GATAD2A: variants seen among roughly 807,000 people sequenced by gnomAD.
The protein encoded by GATAD2A is GATA zinc finger domain containing 2A.
GATAD2A carries 12 observed loss-of-function variants against 68.5 expected under a neutral mutation model. The observed-to-expected ratio is 0.18, with a 90% CI of 0.11 to 0.28. GATAD2A has a LOEUF of 0.28. Among genes scored for constraint, GATAD2A ranks in the 10% least tolerant of loss-of-function variants. The pLI is 1.00. For synonymous variants in GATAD2A, 410 were observed against 375.3 expected (o/e 1.09, Z -1.07); for missense variants, 755 against 868.5 (o/e 0.87, Z 1.64).
chr19:19,452,196 T>TC (rs2056460402), intron 1 of GATAD2A, among the ~76,000 whole-genome samples: 1 of 152,200 alleles, frequency 6.6e-6, no homozygotes, highest in Non-Finnish European at 1.5e-5. Flanking sequence ...GTCTTCTGCC[T>TC]TTCCTACAGG....
chr19:19,439,889 T>C (rs764193778), intron 1 of GATAD2A, among the ~76,000 whole-genome samples: 4 of 151,964 alleles, frequency 2.6e-5, no homozygotes, highest in Non-Finnish European at 4.4e-5. Flanking sequence ...CAAAAAGACA[T>C]GTGTTTACTC....
intron 7 of GATAD2A, among the ~76,000 whole-genome samples, chr19:19,497,186 C>G (rs564737272): frequency 6.6e-6 from 1 of 152,348 alleles, no homozygotes; most frequent in South Asian, 2.1e-4. Flanking sequence ...ACTGCAACCT[C>G]CATCTCCCAG....
intron 1 of GATAD2A, among the ~76,000 whole-genome samples, chr19:19,457,924 C>CT (rs879705054): frequency 1.1e-4 from 17 of 152,206 alleles, no homozygotes; most frequent in African/African-American, 3.6e-4. Context: ...CATGCAGGCT[C>CT]TCAGTGAGAG....
intron 1 of GATAD2A, among the ~76,000 whole-genome samples, chr19:19,393,442 T>C (rs931728723): frequency 9.9e-5 from 15 of 152,244 alleles, no homozygotes; most frequent in African/African-American, 3.6e-4. Context: ...TTCTGGCCCA[T>C]GTAACTTCCT....
intron 11 of GATAD2A, among the ~76,000 whole-genome samples, chr19:19,504,899 C>T (rs2060785238): frequency 6.6e-6 from 1 of 152,162 alleles, no homozygotes; most frequent in South Asian, 2.1e-4. Flanking sequence ...CACCCCCCAG[C>T]CTCTCAAAGT....
intron 1 of GATAD2A, among the ~76,000 whole-genome samples, chr19:19,437,218 C>T (rs1325011723): frequency 6.6e-6 from 1 of 152,208 alleles, no homozygotes; most frequent in African/African-American, 2.4e-5. Flanking sequence ...CAGCCTCAAA[C>T]TCCTGGGCTC....
chr19:19,442,771 GAA>G (rs11366479), intron 1 of GATAD2A, among the ~76,000 whole-genome samples: 19 of 104,396 alleles, frequency 1.8e-4, no homozygotes, highest in East Asian at 1.5e-3. Flanking sequence ...CCCCCAAGCT[GAA>G]AAAAAAAAAA....
At chr19:19,415,160 TTA>T (rs1555804145) in intron 1 of GATAD2A, among the ~76,000 whole-genome samples, 3 of 148,332 alleles carry the variant, frequency 2.0e-5, no homozygotes, top group Non-Finnish European at 4.5e-5. Context: ...TTTTTTTTTT[TTA>T]TGTTTTTTAG....
intron 1 of GATAD2A, among the ~76,000 whole-genome samples, chr19:19,392,626 G>A (rs575938274): frequency 1.3e-5 from 2 of 151,390 alleles, no homozygotes; most frequent in East Asian, 1.9e-4. Context: ...CCCTGACCTC[G>A]TGATCCACCT....
At chr19:19,410,970 C>T (rs1432655439) in intron 1 of GATAD2A, among the ~76,000 whole-genome samples, 5 of 152,220 alleles carry the variant, frequency 3.3e-5, no homozygotes, top group Admixed American at 6.5e-5. Flanking sequence ...TCAGTGAGTA[C>T]TGTTATGACT....
At chr19:19,475,317 C>T (rs1395255490) in intron 2 of GATAD2A, among the ~76,000 whole-genome samples, 1 of 152,216 alleles carries the variant, frequency 6.6e-6, no homozygotes, top group Non-Finnish European at 1.5e-5. Flanking sequence ...CTCCTACAGC[C>T]CTCTTGGCAG....
intron 7 of GATAD2A, among the ~76,000 whole-genome samples, chr19:19,497,371 C>T (rs990499014): frequency 6.6e-6 from 1 of 152,266 alleles, no homozygotes; most frequent in African/African-American, 2.4e-5. Flanking sequence ...GCTGGGATTA[C>T]AGGCGTGAGC....
At chr19:19,400,571 A>G (rs1308894151) in intron 1 of GATAD2A, among the ~76,000 whole-genome samples, 1 of 152,212 alleles carries the variant, frequency 6.6e-6, no homozygotes, top group Non-Finnish European at 1.5e-5. Flanking sequence ...TGTATTTTTC[A>G]TAAAGCATCA....
intron 1 of GATAD2A, among the ~76,000 whole-genome samples, chr19:19,463,043 C>T (rs540430646): frequency 6.6e-6 from 1 of 152,268 alleles, no homozygotes; most frequent in African/African-American, 2.4e-5. Context: ...CTGGGGACCT[C>T]ATCCCCAACA....
At chr19:19,474,219 G>C in intron 2 of GATAD2A, 21 of 929,090 alleles carry the variant, frequency 2.3e-5, no homozygotes, top group South Asian at 5.0e-5. Flanking sequence ...GGAGAGGAGG[G>C]TGAGGTCGAC....
At chr19:19,397,523 C>A (rs1035886618) in intron 1 of GATAD2A, among the ~76,000 whole-genome samples, 1 of 152,124 alleles carries the variant, frequency 6.6e-6, no homozygotes, top group Non-Finnish European at 1.5e-5. Flanking sequence ...CCGTACCGGG[C>A]CTTAAATTGA....
chr19:19,416,298 A>T (rs780021268), intron 1 of GATAD2A, among the ~76,000 whole-genome samples: 1 of 151,948 alleles, frequency 6.6e-6, no homozygotes, highest in Non-Finnish European at 1.5e-5. Context: ...ACTGCCAAGG[A>T]TGCTGGATGA....
chr19:19,504,819 T>C (rs2046337336), intron 11 of GATAD2A, among the ~76,000 whole-genome samples: 1 of 151,540 alleles, frequency 6.6e-6, no homozygotes, highest in African/African-American at 2.4e-5. Context: ...CAGCTGATAT[T>C]TTTTTTAGAG....
chr19:19,393,305 T>TA (rs202037728), intron 1 of GATAD2A, among the ~76,000 whole-genome samples: 2,538 of 145,110 alleles, frequency 0.017, 79 homozygotes, highest in South Asian at 0.087. Flanking sequence ...AGATTCCGTG[T>TA]AAAAAAAAAA....
Sources: allele counts gnomAD v4.1 joint callset (sites outside exome capture counted in the v4.1 genomes callset), GRCh38; gene constraint gnomAD v4.1.1; transcripts MANE v1.5; gene names NCBI Gene and HGNC (gene_info 2026-07-23, HGNC 2026-07-21).